The following ZNF521 variants were observed in gnomAD, a reference collection of about 807,000 sequenced individuals.
The protein encoded by ZNF521 is zinc finger protein 521.
ZNF521 carries 14 observed loss-of-function variants against 105.5 expected under a neutral mutation model. The ratio of observed to expected loss-of-function variants is 0.13; its 90% confidence interval spans 0.09 to 0.21. The LOEUF is 0.21. ZNF521 is among the 10% of genes least tolerant of loss of function. The probability of loss-of-function intolerance (pLI) is 1.00; values close to 1 mark genes in which losing one functional copy is unlikely to be tolerated. For missense variants in ZNF521, 1,233 were observed against 1,629.7 expected, an observed-to-expected ratio of 0.76 and a Z score of 4.19; for synonymous variants, 635 against 606.0, an observed-to-expected ratio of 1.05 and a Z score of -0.70.
chr18:25,162,700 G>A (rs546266403), intron 5 of ZNF521, among the ~76,000 whole-genome samples: 1 of 152,312 alleles, frequency 6.6e-6, no homozygotes, highest in East Asian at 1.9e-4. Flanking sequence ...ATCCAACTCA[G>A]GCATGGATTT....
At chr18:25,200,327 G>C (rs186480261) in intron 4 of ZNF521, among the ~76,000 whole-genome samples, 50 of 152,176 alleles carry the variant, frequency 3.3e-4, no homozygotes, top group Middle Eastern at 3.4e-3. Context: ...AAGATTCATA[G>C]GATAGAATTG....
At chr18:25,231,808 G>C (rs1448031810) in intron 3 of ZNF521, among the ~76,000 whole-genome samples, 1 of 152,180 alleles carries the variant, frequency 6.6e-6, no homozygotes, top group East Asian at 1.9e-4. Context: ...TGAGGACAGG[G>C]ACCAAGCCTT....
chr18:25,117,341 T>A (rs1328200685), intron 5 of ZNF521, among the ~76,000 whole-genome samples: 1 of 151,968 alleles, frequency 6.6e-6, no homozygotes. Flanking sequence ...AATATCAGCC[T>A]CCTCTGGAAG....
chr18:25,204,755 T>C (rs1391881090), intron 4 of ZNF521, among the ~76,000 whole-genome samples: 1 of 152,070 alleles, frequency 6.6e-6, no homozygotes, highest in Non-Finnish European at 1.5e-5. Context: ...CTCTCCTCCT[T>C]CACATTTTGG....
chr18:25,301,265 A>G (rs964883823), intron 3 of ZNF521, among the ~76,000 whole-genome samples: 33 of 152,208 alleles, frequency 2.2e-4, no homozygotes, highest in African/African-American at 7.7e-4. Flanking sequence ...AATATCTGGT[A>G]TAACAACTAA....
At chr18:25,147,528 T>C (rs558694285) in intron 5 of ZNF521, among the ~76,000 whole-genome samples, 13 of 152,278 alleles carry the variant, frequency 8.5e-5, no homozygotes, top group South Asian at 6.2e-4. Context: ...GTAGACAAAA[T>C]GGCATTGTGG....
intron 5 of ZNF521, among the ~76,000 whole-genome samples, chr18:25,189,501 T>C (rs2035782393): frequency 6.6e-6 from 1 of 152,218 alleles, no homozygotes; most frequent in East Asian, 1.9e-4. Flanking sequence ...AGCTGCCAGC[T>C]GTACAGCAAA....
At chr18:25,215,417 C>T (rs2036262698) in intron 4 of ZNF521, among the ~76,000 whole-genome samples, 2 of 152,012 alleles carry the variant, frequency 1.3e-5, no homozygotes, top group Admixed American at 6.6e-5. Flanking sequence ...TCCAGACATC[C>T]GGAATATAGC....
At chr18:25,284,359 C>T (rs1292754991) in intron 3 of ZNF521, among the ~76,000 whole-genome samples, 1 of 151,938 alleles carries the variant, frequency 6.6e-6, no homozygotes, top group East Asian at 1.9e-4. Flanking sequence ...TCCTTTACTT[C>T]CTGAATGAAT....
chr18:25,184,313 C>T (rs542499862), intron 5 of ZNF521, among the ~76,000 whole-genome samples: 9 of 152,004 alleles, frequency 5.9e-5, no homozygotes, highest in Admixed American at 2.0e-4. Flanking sequence ...TTCTCTTTGA[C>T]GATGTATTTT....
intron 3 of ZNF521, among the ~76,000 whole-genome samples, chr18:25,249,910 T>G (rs1907993641): frequency 6.6e-6 from 1 of 152,174 alleles, no homozygotes; most frequent in South Asian, 2.1e-4. Flanking sequence ...TTACATAAAT[T>G]TAACTCTGCT....
rs552035803 is a variant in ZNF521, at chr18:25,236,657, T to C, written c.221-8960A>G. Among the ~76,000 whole-genome samples, 38 of 152,326 alleles carry C rather than the reference T, an allele frequency of 2.5e-4. 2 individuals carry two copies. In the South Asian group the frequency reaches 7.7e-3, roughly 31 times the overall value. On this transcript the variant is annotated intron_variant, in intron 3 of 7. Coordinates refer to ENST00000361524, the MANE Select transcript of ZNF521 (RefSeq NM_015461.3). ...TATGCCTTATACAATAGAATTTTTA[T>C]AGTGTTTCAACAGAATTATTACCTT... is the stretch of plus-strand genomic sequence containing the variant.
At chr18:25,183,655 G>A (rs73404924) in intron 5 of ZNF521, among the ~76,000 whole-genome samples, 187 of 152,122 alleles carry the variant, frequency 1.2e-3, no homozygotes, top group African/African-American at 4.3e-3. Flanking sequence ...CAGTACTATC[G>A]GCATATTAAA....
chr18:25,261,737 C>A (rs1908926259), intron 3 of ZNF521, among the ~76,000 whole-genome samples: 1 of 151,986 alleles, frequency 6.6e-6, no homozygotes, highest in Non-Finnish European at 1.5e-5. Flanking sequence ...CAGTGGTTCT[C>A]CCTGACCAGA....
At chr18:25,095,754 A>G (rs2033839188) in intron 5 of ZNF521, among the ~76,000 whole-genome samples, 1 of 152,218 alleles carries the variant, frequency 6.6e-6, no homozygotes, top group Admixed American at 6.5e-5. Flanking sequence ...AATTAAACTT[A>G]AAAGTATTCT....
chr18:25,269,912 C>T (rs1234625373), intron 3 of ZNF521, among the ~76,000 whole-genome samples: 1 of 152,048 alleles, frequency 6.6e-6, no homozygotes, highest in East Asian at 1.9e-4. Flanking sequence ...CATTCAAAAG[C>T]TAGCAGAAGA....
At chr18:25,261,866 C>A (rs539867289) in intron 3 of ZNF521, among the ~76,000 whole-genome samples, 6 of 152,094 alleles carry the variant, frequency 3.9e-5, no homozygotes, top group Middle Eastern at 3.2e-3. Flanking sequence ...TTATTACCCA[C>A]CCCCTGCTGT....
chr18:25,224,584 C>T lies in ZNF521; in HGVS notation c.3334G>A (p.Gly1112Ser), dbSNP rs548204681. Residue 1112 changes from glycine to serine, a missense_variant, in exon 4 of 8, where the codon GGC becomes AGC. By Grantham distance (56) the Gly-to-Ser change is moderately conservative. Around this residue, in one of 6 missense-constraint regions of ZNF521, gnomAD observed 614 missense variants for 751.5 expected, o/e 0.82. Transcript: ENST00000361524. ...TGGCCCAAGCCTGGTCTATTCGTGCCGGGAGGGACGTTAATGCCTGGGCTG... is the reference window on the plus strand; with the variant it reads ...TGGCCCAAGCCTGGTCTATTCGTGCTGGGAGGGACGTTAATGCCTGGGCTG... ...SASPGINVPP[G>S]TNRPGLGQNE... 1.4e-5 allele frequency: 22 copies of T among 1,613,974 alleles called. No individual in the cohort carries two copies. Among genetic ancestry groups the T allele is most frequent in the Admixed American group, 6.7e-5 (4 of 60,000 alleles).
intron 5 of ZNF521, among the ~76,000 whole-genome samples, chr18:25,117,654 TG>T (rs2034355381): frequency 6.6e-6 from 1 of 152,084 alleles, no homozygotes; most frequent in Non-Finnish European, 1.5e-5. Context: ...AATCCCTGTA[TG>T]GGCTTAACAC....
Sources: allele counts gnomAD v4.1 joint callset (sites outside exome capture counted in the v4.1 genomes callset), GRCh38; gene constraint gnomAD v4.1.1; regional missense constraint gnomAD v4.1.1; transcripts MANE v1.5; gene names NCBI Gene and HGNC (gene_info 2026-07-23, HGNC 2026-07-21).